ARAP1: variants seen among roughly 807,000 people sequenced by gnomAD.
The protein encoded by ARAP1 is ArfGAP with RhoGAP domain, ankyrin repeat and PH domain 1.
In ARAP1, 76 loss-of-function variants were observed where a neutral mutation model predicts 172.2. That is an observed-to-expected ratio of 0.44 (90% CI 0.37 to 0.53). The LOEUF (loss-of-function observed/expected upper bound fraction) is 0.53. Ranked by LOEUF, ARAP1 falls within the 20% of genes least tolerant of loss-of-function variation. ARAP1 has a pLI of 0.00. For synonymous variants in ARAP1, 804 were observed against 803.3 expected (o/e 1.00, Z -0.01); for missense variants, 1,686 against 1,977.5 (o/e 0.85, Z 2.80).
rs1857552621 is a variant in ARAP1 at position 72,722,312 on chromosome 11, C to T, written c.509+4308G>A. The stretch of plus-strand genomic sequence containing the variant: ...TTGTGTCTCCCCCACCTCCTGCAGC[C>T]GTGGCCAACACACACACTTCCTGAA... On this transcript the variant is annotated intron_variant, in intron 3 of 34. Transcript: ENST00000393609. 6.1e-6 allele frequency: 6 copies of T among 985,588 alleles called. No homozygotes were observed. The South Asian group carries it at 1.9e-4, about 31-fold the overall frequency. 61.1% of individuals were successfully genotyped at this position (985,588 alleles called of 1,614,324 possible).
intron 11 of ARAP1, 90 bp downstream of exon 11, chr11:72,709,780 C>T: frequency 7.2e-7 from 1 of 1,385,362 alleles, no homozygotes; most frequent in Admixed American, 1.7e-5. Flanking sequence ...GGAACCCATC[C>T]CATAGGAAGG....
intron 1 of ARAP1, among the ~76,000 whole-genome samples, chr11:72,747,884 C>G (rs919422751): frequency 6.6e-6 from 1 of 152,248 alleles, no homozygotes. Context: ...TGTCACCTGA[C>G]CAGGTGGCCC....
chr11:72,727,391 C>T (rs1332838627), intron 2 of ARAP1, among the ~76,000 whole-genome samples: 1 of 152,218 alleles, frequency 6.6e-6, no homozygotes, highest in Non-Finnish European at 1.5e-5. Flanking sequence ...CTTGTGCTAT[C>T]CCAGCATCCA....
rs2135512483 is a variant in ARAP1 at position 72,699,497 on chromosome 11, A to G, written c.2358T>C (p.Asn786=). The G allele has an allele frequency of 1.2e-6, 2 of 1,613,930 alleles. No homozygotes were observed. The highest frequency in any genetic ancestry group is 4.5e-5 in the East Asian group (2 of 44,868). Reference sequence around the variant, plus strand: ...CTCCATTGGGGGTCACTGCCCGCTCATTCTCAAAGTAGCTCAGGACCCCGT... The same window carrying G: ...CTCCATTGGGGGTCACTGCCCGCTCGTTCTCAAAGTAGCTCAGGACCCCGT... ...LGDGVLSYFE[N]ERAVTPNGEI... Residue 786 remains asparagine (N), a synonymous_variant, in exon 17 of 35, where the codon AAT becomes AAC. Transcript: ENST00000393609. The surrounding 1 kb of genome is among the most constrained non-coding windows in gnomAD (Gnocchi z 4.2).
At chr11:72,704,567 GC>G (rs1856669943) in intron 13 of ARAP1, 1 of 511,958 alleles carries the variant, frequency 2.0e-6, no homozygotes, top group African/African-American at 2.0e-5. Context: ...CAGGGAGTCA[GC>G]AGACTGACAG....
chr11:72,706,119 C>T (rs1343134652), intron 12 of ARAP1, among the ~76,000 whole-genome samples: 1 of 152,192 alleles, frequency 6.6e-6, no homozygotes, highest in Admixed American at 6.5e-5. Flanking sequence ...CTGCAACTGG[C>T]CCCCTGGAAC....
chr11:72,745,428 TCTC>T (rs2135594488), intron 1 of ARAP1, among the ~76,000 whole-genome samples: 1 of 149,276 alleles, frequency 6.7e-6, no homozygotes, highest in African/African-American at 2.5e-5. Context: ...ATGGTCTTGA[TCTC>T]CTGACCTTGT....
intron 3 of ARAP1, chr11:72,722,343 T>A (rs911184116): frequency 1.0e-6 from 1 of 985,170 alleles, no homozygotes; most frequent in African/African-American, 1.7e-5. Flanking sequence ...CTGAAAACAC[T>A]GAGAAAGCGA....
chr11:72,687,071 C>G (rs1192219888), intron 33 of ARAP1, among the ~76,000 whole-genome samples: 1 of 152,206 alleles, frequency 6.6e-6, no homozygotes, highest in Non-Finnish European at 1.5e-5. Context: ...AGTCATCCCC[C>G]TCCTCTATGC....
Position 72,714,188 on chromosome 11 carries a change from T to A in ARAP1, c.643A>T (p.Ile215Leu), listed in dbSNP as rs1565222950. The change falls in exon 4 of 35, where the codon ATA (isoleucine) becomes TTA (leucine). Residue 215 changes from isoleucine to leucine, a missense_variant. Physicochemically the swap from Ile to Leu is conservative, Grantham distance 5. Transcript: ENST00000393609. Reference sequence around the variant, plus strand: ...AACAGGCGTACCGGCTTTGGAGGTATCTCCGGGGGGCAGGGAGGTGGAGAG... The same window carrying A: ...AACAGGCGTACCGGCTTTGGAGGTAACTCCGGGGGGCAGGGAGGTGGAGAG... ...PPSPPPCPPE[I>L]PPKPVRLFPE... 2 of 1,512,466 alleles carry A rather than the reference T, an allele frequency of 1.3e-6. No individual in the cohort carries two copies. The highest frequency in any genetic ancestry group is 2.6e-5 in the Admixed American group (1 of 39,178). The allele number at this position is 1,512,466 out of a possible 1,614,324, so 93.7% of individuals were successfully genotyped here. A position where few individuals can be genotyped will look rare whatever the true frequency, so the allele number is the denominator to read the frequency against.
At chr11:72,713,794 C>T (rs991230323) in intron 4 of ARAP1, among the ~76,000 whole-genome samples, 4 of 147,042 alleles carry the variant, frequency 2.7e-5, no homozygotes, top group Non-Finnish European at 5.9e-5. Context: ...TTGCAGTGGG[C>T]GGAGATTGCA....
intron 33 of ARAP1, chr11:72,687,174 TTCTGAG>T (rs1458359994): frequency 5.7e-6 from 3 of 528,028 alleles, no homozygotes; most frequent in East Asian, 6.8e-5. Context: ...AACTGGCCAC[TTCTGAG>T]TCTGTTTTCC....
intron 16 of ARAP1, chr11:72,700,223 C>T (rs963668479): frequency 6.5e-6 from 1 of 154,230 alleles, no homozygotes; most frequent in Admixed American, 6.5e-5. Flanking sequence ...GCATCCAGGG[C>T]AAAAAGGATG....
At position 72,733,006 on chromosome 11, in the gene ARAP1, G is replaced by C. The variant is rs535856475; in HGVS notation, c.-127-409C>G. 2.9e-3 allele frequency among the ~76,000 whole-genome samples: 440 copies of C among 152,084 alleles called. 1 individual carries two copies. The highest frequency in any genetic ancestry group is 0.01 in the African/African-American group (429 of 41,476). ...TCAAAAAAAAGAAAAGAAAAAAGAA[G>C]AGATGGGGAAGAGGTGGAAGAAGAG... On this transcript the variant is annotated intron_variant, in intron 1 of 34. Transcript: ENST00000393609.
intron 8 of ARAP1, 140 bp from the exon 9 acceptor site, chr11:72,711,281 A>G: frequency 6.8e-7 from 1 of 1,463,646 alleles, no homozygotes; most frequent in South Asian, 1.3e-5. Flanking sequence ...TGCAGCCCTC[A>G]GCAGGCAGAG....
chr11:72,692,334 G>A lies in ARAP1; in HGVS notation c.3987+419C>T, dbSNP rs574770555. Among the ~76,000 whole-genome samples the A allele has an allele frequency of 1.1e-4, 16 of 152,206 alleles. No individual in the cohort carries two copies. The South Asian group carries it at 2.9e-3, about 28-fold the overall frequency. On this transcript the variant is annotated intron_variant, in intron 30 of 34. Transcript: ENST00000393609. ...TGGGGGTATCCCACAAGCCTCTCTC[G>A]TCCCACCCCGGCATGTTAGGATCAG... is the stretch of plus-strand genomic sequence containing the variant.
rs773212412 is a variant in ARAP1 at position 72,714,170 on chromosome 11, G to A, written c.661C>T (p.Arg221Cys). The A allele has an allele frequency of 2.4e-5, 36 of 1,502,208 alleles. No homozygotes were observed. The East Asian group carries it at 3.6e-4, about 15-fold the overall frequency. 93.1% of individuals were successfully genotyped at this position (1,502,208 alleles called of 1,614,324 possible). A position where few individuals can be genotyped will look rare whatever the true frequency, so the allele number is the denominator to read the frequency against. Residue 221 changes from arginine (R) to cysteine (C), a missense_variant, in exon 4 of 35, where the codon CGC becomes TGC. Around this residue, in one of 5 missense-constraint regions of ARAP1, gnomAD observed 155 missense variants for 129.2 expected, o/e 1.20. Transcript: ENST00000393609. ...CPPEIPPKPV[R>C]LFPEFDDSDY... ...CACTCACCGAACTCTGGGAACAGGC[G>A]TACCGGCTTTGGAGGTATCTCCGGG...
chr11:72,744,178 C>G (rs900349141), intron 1 of ARAP1, among the ~76,000 whole-genome samples: 1 of 152,182 alleles, frequency 6.6e-6, no homozygotes, highest in Non-Finnish European at 1.5e-5. Context: ...CCATCTGTGA[C>G]TGTGTCTGTC....
intron 15 of ARAP1, among the ~76,000 whole-genome samples, chr11:72,702,255 G>A (rs1170390854): frequency 6.6e-6 from 1 of 152,216 alleles, no homozygotes; most frequent in Non-Finnish European, 1.5e-5. Context: ...GTGGTCTCCT[G>A]TGTCTCCCTG....
Sources: allele counts gnomAD v4.1 joint callset (sites outside exome capture counted in the v4.1 genomes callset), GRCh38; gene constraint gnomAD v4.1.1; regional missense constraint gnomAD v4.1.1; non-coding constraint Gnocchi (gnomAD v3.1); transcripts MANE v1.5; gene names NCBI Gene and HGNC (gene_info 2026-07-23, HGNC 2026-07-21).